Variants in PROX2 observed in about 807,000 individuals in gnomAD.
PROX2 encodes the protein prospero homeobox protein 2.
A neutral mutation model predicts 48.9 loss-of-function variants in PROX2; 46 were observed. The ratio of observed to expected loss-of-function variants is 0.94; its 90% CI spans 0.74 to 1.20. The LOEUF (loss-of-function observed/expected upper bound fraction) is 1.20. Among genes scored for constraint, PROX2 ranks in the 50% most tolerant of loss-of-function variants. The probability of loss-of-function intolerance (pLI) is 0.00; values close to 1 mark genes in which losing one functional copy is unlikely to be tolerated. For synonymous variants in PROX2, 260 were observed against 276.6 expected (o/e 0.94, Z 0.60); for missense variants, 663 against 719.4 (o/e 0.92, Z 0.90).
intron 2 of PROX2, 31 bp downstream of exon 2, chr14:74,871,072 A>G (rs1883202693): frequency 6.6e-6 from 1 of 151,930 alleles, no homozygotes; most frequent in Non-Finnish European, 1.5e-5. Context: ...AGATAAATAA[A>G]TAAAGTCTAG....
At chr14:74,867,437 T>G (rs1883090591) in intron 2 of PROX2, among the ~76,000 whole-genome samples, 1 of 152,216 alleles carries the variant, frequency 6.6e-6, no homozygotes, top group South Asian at 2.1e-4. Context: ...GAAATGTCAC[T>G]TCCTCTCTGA....
Position 74,853,193 on chromosome 14 carries a change from C to G in PROX2, c.*1939G>C, listed in dbSNP as rs1268547157. On this transcript the variant is annotated 3_prime_UTR_variant, in exon 6 of 6. Transcript: ENST00000556489. ...TCACTGCCCTGGAGGTGACTTGGCTCAGTCTTTAAACACACACTAATGAAT... is the reference window on the plus strand; with the variant it reads ...TCACTGCCCTGGAGGTGACTTGGCTGAGTCTTTAAACACACACTAATGAAT... 1 of 152,210 alleles carries G rather than the reference C, an allele frequency of 6.6e-6. No individual in the cohort carries two copies. Among genetic ancestry groups the G allele is most frequent in the East Asian group, 1.9e-4 (1 of 5,202 alleles). The allele number at this position is 152,210 out of a possible 1,614,324, so 9.4% of individuals were successfully genotyped here. A position where few individuals can be genotyped will look rare whatever the true frequency, so the allele number is the denominator to read the frequency against.
At chr14:74,864,658 A>G (rs1266330465) in intron 2 of PROX2, among the ~76,000 whole-genome samples, 7 of 152,016 alleles carry the variant, frequency 4.6e-5, no homozygotes, top group South Asian at 2.1e-4. Flanking sequence ...CCTAACCAAC[A>G]TGGAGAAACC....
intron 1 of PROX2, among the ~76,000 whole-genome samples, chr14:74,873,423 C>T (rs1883264055): frequency 6.6e-6 from 1 of 152,162 alleles, no homozygotes; most frequent in East Asian, 1.9e-4. Flanking sequence ...GCCTTGCATT[C>T]TCTGGTGCGG....
intron 2 of PROX2, among the ~76,000 whole-genome samples, chr14:74,870,070 T>C (rs1235996903): frequency 2.0e-5 from 3 of 152,062 alleles, no homozygotes; most frequent in Non-Finnish European, 4.4e-5. Flanking sequence ...GTAAAGTTTA[T>C]GTAACATTAT....
intron 3 of PROX2, 23 bp from the exon 4 acceptor site, chr14:74,858,537 G>T: frequency 7.6e-7 from 1 of 1,315,756 alleles, no homozygotes; most frequent in South Asian, 1.3e-5. Context: ...CAAGGAAAAT[G>T]AACACTTTAA....
rs201004945 is a variant in PROX2, at chr14:74,863,166, T to C, written c.669A>G (p.Leu223=). Residue 223 remains leucine, a synonymous_variant, in exon 3 of 6, where the codon CTA becomes CTG. Coordinates refer to ENST00000556489, the MANE Select transcript of PROX2 (RefSeq NM_001243007.2). The part of the protein sequence containing the change: ...SFLPSGAPAS[L]EILRKELTRA... ...TGGTCAGCTCTTTCCTCAGAATCTC[T>C]AGTGAAGCTGGTGCTCCAGAAGGAA... 1 of 1,613,440 alleles carries C rather than the reference T, an allele frequency of 6.2e-7. No individual in the cohort carries two copies. Among genetic ancestry groups the C allele is most frequent in the Non-Finnish European group, 8.5e-7 (1 of 1,179,350 alleles).
Position 74,862,817 on chromosome 14 carries a change from T to A in PROX2, c.1018A>T (p.Ile340Phe). ...ANFPLTAPSH[I>F]QENQILSQLL... ...TGGCTAAGAATCTGATTTTCCTGGA[T>A]GTGGGAAGGTGCAGTCAAGGGAAAG... The change falls in exon 3 of 6, where the codon ATC (isoleucine) becomes TTC (phenylalanine). Residue 340 changes from isoleucine (I) to phenylalanine (F), a missense_variant. Coordinates refer to ENST00000556489, the MANE Select transcript of PROX2 (RefSeq NM_001243007.2). 1 of 1,613,986 alleles carries A rather than the reference T, an allele frequency of 6.2e-7. No homozygotes were observed.
chr14:74,864,038 C>T (rs1008553651), intron 2 of PROX2, 30 bp from the exon 3 acceptor site: 9 of 471,340 alleles, frequency 1.9e-5, no homozygotes, highest in Non-Finnish European at 2.8e-5. Context: ...GAAAAGAGTA[C>T]GTGTGACTTT....
rs916542987 is a variant in PROX2, at chr14:74,868,823, G to A, written c.-175+2280C>T. On this transcript the variant is annotated intron_variant, in intron 2 of 5. Coordinates refer to ENST00000556489, the MANE Select transcript of PROX2 (RefSeq NM_001243007.2). Reference sequence around the variant, plus strand: ...ACTGCACTCCAACCTGGGCGACAGCGAGACTCCGTCTCAAAAAAAAAAAAA... The same window carrying A: ...ACTGCACTCCAACCTGGGCGACAGCAAGACTCCGTCTCAAAAAAAAAAAAA... Among the ~76,000 whole-genome samples, 5 of 138,078 alleles carry A rather than the reference G, an allele frequency of 3.6e-5. No individual in the cohort carries two copies. The East Asian group carries it at 6.2e-4, about 17-fold the overall frequency. The allele number at this position is 138,078 out of a possible 152,430, so 90.6% of individuals were successfully genotyped here.
At chr14:74,869,310 C>T (rs1883155106) in intron 2 of PROX2, among the ~76,000 whole-genome samples, 2 of 150,554 alleles carry the variant, frequency 1.3e-5, no homozygotes, top group African/African-American at 4.9e-5. Context: ...TGGAGTTTAG[C>T]TCTTGTTGCC....
chr14:74,866,875 A>G (rs1221652471), intron 2 of PROX2, among the ~76,000 whole-genome samples: 1 of 152,216 alleles, frequency 6.6e-6, no homozygotes, highest in African/African-American at 2.4e-5. Flanking sequence ...CTGCAGAAAG[A>G]TGAAATATGT....
intron 5 of PROX2, 76 bp downstream of exon 5, chr14:74,856,725 G>A: frequency 1.5e-6 from 2 of 1,303,408 alleles, no homozygotes; most frequent in South Asian, 2.6e-5. Flanking sequence ...ACACAGAAGA[G>A]GGATCTTTCC....
Position 74,853,903 on chromosome 14 carries a change from C to T in PROX2, c.*1229G>A, listed in dbSNP as rs1244392269. 3 of 160,906 alleles carry T rather than the reference C, an allele frequency of 1.9e-5. No homozygotes were observed. The highest frequency in any genetic ancestry group is 7.2e-5 in the African/African-American group (3 of 41,542). 10.0% of individuals were successfully genotyped at this position (160,906 alleles called of 1,614,324 possible). A position where few individuals can be genotyped will look rare whatever the true frequency, so the allele number is the denominator to read the frequency against. ...AGAGTGGGTCACAATTGTGCTGGGC[C>T]AGCAGCAGGGGGAAATGTTGATTTC... On this transcript the variant is annotated 3_prime_UTR_variant, in exon 6 of 6. Coordinates refer to ENST00000556489, the MANE Select transcript of PROX2 (RefSeq NM_001243007.2).
At chr14:74,858,786 G>GTGTA (rs747024315) in intron 3 of PROX2, 136 of 275,108 alleles carry the variant, frequency 4.9e-4, no homozygotes, top group Non-Finnish European at 8.5e-4. Context: ...TTTTGTGTGT[G>GTGTA]TGTGTGTGTG....
intron 1 of PROX2, chr14:74,874,248 C>T (rs1408419281): frequency 3.1e-6 from 1 of 323,072 alleles, no homozygotes; most frequent in African/African-American, 2.4e-5. Context: ...CAGCATCATA[C>T]AAGTTTTTTT....
chr14:74,866,688 G>T (rs550531396), intron 2 of PROX2, among the ~76,000 whole-genome samples: 1 of 152,194 alleles, frequency 6.6e-6, no homozygotes, highest in East Asian at 1.9e-4. Flanking sequence ...CCTGATTGAC[G>T]TGGATTTAAG....
chr14:74,863,877 T>G lies in PROX2; in HGVS notation c.-43A>C. On this transcript the variant is annotated 5_prime_UTR_variant, in exon 3 of 6. Transcript: ENST00000556489. ...GGCTTCAGGAATTCCTCCTCCTTAT[T>G]TCCTCAGCTGGAAGTGCACCCAGAA... 6.9e-7 allele frequency: 1 copy of G among 1,445,680 alleles called. No individual in the cohort carries two copies. Among genetic ancestry groups the G allele is most frequent in the Non-Finnish European group, 9.0e-7 (1 of 1,107,068 alleles). 89.6% of individuals were successfully genotyped at this position (1,445,680 alleles called of 1,614,324 possible). A position where few individuals can be genotyped will look rare whatever the true frequency, so the allele number is the denominator to read the frequency against.
intron 1 of PROX2, chr14:74,871,778 C>T (rs894935050): frequency 6.5e-6 from 1 of 153,214 alleles, no homozygotes; most frequent in Non-Finnish European, 1.5e-5. Context: ...CTCAAACAAA[C>T]AAACAAACAA....
Sources: allele counts gnomAD v4.1 joint callset (sites outside exome capture counted in the v4.1 genomes callset), GRCh38; gene constraint gnomAD v4.1.1; transcripts MANE v1.5; gene names NCBI Gene and HGNC (gene_info 2026-07-23, HGNC 2026-07-21).